Variants in SLIT1 observed in about 807,000 individuals in gnomAD.
SLIT1 encodes the protein slit guidance ligand 1.
Under a neutral mutation model 186.1 loss-of-function variants are expected in SLIT1, and 66 were observed. The observed-to-expected ratio is 0.35, with a 90% CI of 0.29 to 0.44. The LOEUF (loss-of-function observed/expected upper bound fraction) is 0.44. SLIT1 is among the 20% of genes least tolerant of loss of function. The pLI, the probability that SLIT1 is intolerant of heterozygous loss-of-function variation, is 1.00. For missense variants in SLIT1, 1,638 were observed against 2,037.4 expected, an observed-to-expected ratio of 0.80 and a Z score of 3.77; for synonymous variants, 761 against 833.8, an observed-to-expected ratio of 0.91 and a Z score of 1.50.
At chr10:97,105,042 A>G (rs940265205) in intron 4 of SLIT1, among the ~76,000 whole-genome samples, 1 of 152,096 alleles carries the variant, frequency 6.6e-6, no homozygotes, top group African/African-American at 2.4e-5. Flanking sequence ...CAGTAAATGC[A>G]CGACTCCTAT....
In SLIT1 at chr10:97,143,003, A is replaced by G. The variant is rs772417588; in HGVS notation, c.413+14815T>C. On this transcript the variant is annotated intron_variant, in intron 4 of 36. Transcript: ENST00000266058. ...ATAACAAGTGTTGGCAAGGATGTGGAGAAATTGGAATCCTTATGCACTGAT... is the reference window on the plus strand; with the variant it reads ...ATAACAAGTGTTGGCAAGGATGTGGGGAAATTGGAATCCTTATGCACTGAT... 8.0e-4 allele frequency among the ~76,000 whole-genome samples: 122 copies of G among 152,252 alleles called. 1 individual carries two copies. The highest frequency in any genetic ancestry group is 1.2e-3 in the Non-Finnish European group (83 of 68,038).
Position 97,000,892 on chromosome 10 carries a change from G to C in SLIT1, c.*220C>G. The C allele has an allele frequency of 1.7e-6, 1 of 583,810 alleles. No individual in the cohort carries two copies. The highest frequency in any genetic ancestry group is 2.8e-5 in the East Asian group (1 of 35,716). 36.2% of individuals were successfully genotyped at this position (583,810 alleles called of 1,614,324 possible). A position where few individuals can be genotyped will look rare whatever the true frequency, so the allele number is the denominator to read the frequency against. On this transcript the variant is annotated 3_prime_UTR_variant, in exon 37 of 37. Coordinates refer to ENST00000266058, the MANE Select transcript of SLIT1 (RefSeq NM_003061.3). ...ATTTGTGCAAGGCACTTCCGGAGAG[G>C]GCAGCCCGCAGCTCAGGCCTCGCCC...
chr10:97,146,911 G>A (rs1439217380), intron 4 of SLIT1, among the ~76,000 whole-genome samples: 1 of 117,228 alleles, frequency 8.5e-6, no homozygotes, highest in African/African-American at 2.8e-5. Flanking sequence ...CCAATCTGGT[G>A]GAAAAGGCAT....
chr10:97,081,735 G>A (rs1181189549), intron 4 of SLIT1, among the ~76,000 whole-genome samples: 1 of 152,208 alleles, frequency 6.6e-6, no homozygotes, highest in African/African-American at 2.4e-5. Flanking sequence ...GAGCAAGGAA[G>A]GTTTCCAGTT....
intron 4 of SLIT1, among the ~76,000 whole-genome samples, chr10:97,147,285 T>G (rs764616460): frequency 2.0e-5 from 3 of 152,144 alleles, no homozygotes; most frequent in Non-Finnish European, 4.4e-5. Context: ...GATGAGGAGC[T>G]ATTGCTCAAT....
intron 35 of SLIT1, 94 bp downstream of exon 35, chr10:97,002,610 T>G: frequency 8.1e-7 from 1 of 1,231,416 alleles, no homozygotes. Flanking sequence ...AGGCTACATG[T>G]TCTAATATGG....
intron 4 of SLIT1, among the ~76,000 whole-genome samples, chr10:97,104,161 A>T (rs1206242319): frequency 1.3e-5 from 2 of 152,016 alleles, no homozygotes; most frequent in Non-Finnish European, 2.9e-5. Flanking sequence ...GGTGGCAGGG[A>T]AGGCCTTTGA....
intron 1 of SLIT1, among the ~76,000 whole-genome samples, chr10:97,168,866 G>A (rs1052365130): frequency 8.5e-5 from 13 of 152,108 alleles, no homozygotes; most frequent in African/African-American, 2.9e-4. Flanking sequence ...CTGAGGCAAA[G>A]ACAAACACTG....
chr10:97,018,911 T>C, intron 27 of SLIT1, 72 bp downstream of exon 27: 1 of 908,340 alleles, frequency 1.1e-6, no homozygotes, highest in South Asian at 1.5e-5. Flanking sequence ...CAGGCAGTGC[T>C]CTGGGCCCTG....
intron 4 of SLIT1, among the ~76,000 whole-genome samples, chr10:97,115,966 G>A (rs975640820): frequency 1.3e-5 from 2 of 152,222 alleles, no homozygotes; most frequent in South Asian, 2.1e-4. Context: ...ATGAGAAGCA[G>A]GGGGCCGAGT....
chr10:97,090,414 A>G (rs1388630884), intron 4 of SLIT1, among the ~76,000 whole-genome samples: 1 of 152,116 alleles, frequency 6.6e-6, no homozygotes, highest in African/African-American at 2.4e-5. Flanking sequence ...GTGTCAGGGA[A>G]TAGAAAGAAG....
chr10:97,161,785 A>G (rs962279595), intron 3 of SLIT1, among the ~76,000 whole-genome samples: 1 of 152,244 alleles, frequency 6.6e-6, no homozygotes, highest in Non-Finnish European at 1.5e-5. Flanking sequence ...TCTCAAAAAA[A>G]GAAAGGTGAG....
intron 4 of SLIT1, among the ~76,000 whole-genome samples, chr10:97,075,976 C>T (rs1849041850): frequency 6.6e-6 from 1 of 152,134 alleles, no homozygotes; most frequent in South Asian, 2.1e-4. Context: ...CACAGACACC[C>T]CTAGTGAGTG....
intron 23 of SLIT1, among the ~76,000 whole-genome samples, chr10:97,033,379 A>G (rs1026391961): frequency 6.6e-6 from 1 of 152,192 alleles, no homozygotes; most frequent in Non-Finnish European, 1.5e-5. Context: ...TATAAGGGAC[A>G]CTTGGTAATA....
chr10:97,167,208 T>C (rs1850132822), intron 1 of SLIT1, among the ~76,000 whole-genome samples: 1 of 152,154 alleles, frequency 6.6e-6, no homozygotes, highest in African/African-American at 2.4e-5. Flanking sequence ...AATGTAAAGG[T>C]CATTTTTCAA....
chr10:97,179,769 C>T (rs1850306131), intron 1 of SLIT1, among the ~76,000 whole-genome samples: 1 of 151,200 alleles, frequency 6.6e-6, no homozygotes, highest in African/African-American at 2.4e-5. Flanking sequence ...TCATGAGCTC[C>T]GTCAAAAAGA....
intron 36 of SLIT1, among the ~76,000 whole-genome samples, chr10:97,001,597 G>GC (rs1433529854): frequency 6.6e-6 from 1 of 152,048 alleles, no homozygotes; most frequent in Admixed American, 6.5e-5. Flanking sequence ...CTGGAGGGAG[G>GC]GGGGGTCCCC....
At chr10:97,014,262 T>A in intron 28 of SLIT1, 104 bp from the exon 29 acceptor site, 1 of 1,360,578 alleles carries the variant, frequency 7.3e-7, no homozygotes. Context: ...GGGTCCCTAA[T>A]CCCGGCCAGG....
intron 4 of SLIT1, among the ~76,000 whole-genome samples, chr10:97,076,497 G>T (rs1175177653): frequency 1.3e-5 from 2 of 152,144 alleles, no homozygotes; most frequent in East Asian, 3.8e-4. Context: ...CACGTAGAAG[G>T]GGAATTAATT....
Sources: allele counts gnomAD v4.1 joint callset (sites outside exome capture counted in the v4.1 genomes callset), GRCh38; gene constraint gnomAD v4.1.1; transcripts MANE v1.5; gene names NCBI Gene and HGNC (gene_info 2026-07-23, HGNC 2026-07-21).